The following SMOC1 variants were observed in gnomAD, a reference collection of about 807,000 sequenced individuals.
The protein encoded by SMOC1 is SPARC related modular calcium binding 1, also known as SPARC-related modular calcium-binding protein 1.
Under a neutral mutation model 56.3 loss-of-function variants are expected in SMOC1, and 22 were observed. The observed-to-expected ratio is 0.39, with a 90% CI of 0.28 to 0.56. The LOEUF (loss-of-function observed/expected upper bound fraction) is 0.56. SMOC1 is among the 20% of genes least tolerant of loss of function. SMOC1 has a pLI of 0.61. For missense variants in SMOC1, 509 were observed against 565.4 expected, an observed-to-expected ratio of 0.90 and a Z score of 1.01; for synonymous variants, 193 against 215.0, an observed-to-expected ratio of 0.90 and a Z score of 0.89.
At chr14:69,980,328 C>T (rs1047298659) in intron 5 of SMOC1, among the ~76,000 whole-genome samples, 40 of 152,154 alleles carry the variant, frequency 2.6e-4, no homozygotes, top group Admixed American at 2.5e-3. Context: ...TCCCTTCCTC[C>T]AAGATGGCTC....
At chr14:69,890,821 T>C (rs960763622) in intron 1 of SMOC1, among the ~76,000 whole-genome samples, 5 of 152,168 alleles carry the variant, frequency 3.3e-5, no homozygotes, top group African/African-American at 1.2e-4. Flanking sequence ...CTTTGTACAA[T>C]TACAGTTGAA....
At chr14:69,971,113 G>A (rs1175863131) in intron 3 of SMOC1, among the ~76,000 whole-genome samples, 1 of 152,154 alleles carries the variant, frequency 6.6e-6, no homozygotes, top group Non-Finnish European at 1.5e-5. Flanking sequence ...CCAACTCGTG[G>A]CTTCAAGCAA....
At chr14:69,904,009 C>G (rs577566092) in intron 1 of SMOC1, among the ~76,000 whole-genome samples, 2 of 152,138 alleles carry the variant, frequency 1.3e-5, no homozygotes, top group Admixed American at 6.5e-5. Context: ...GAGGTCGTCT[C>G]GGACCTCAGC....
intron 10 of SMOC1, among the ~76,000 whole-genome samples, chr14:70,018,786 A>G (rs1187942305): frequency 6.6e-6 from 1 of 152,202 alleles, no homozygotes; most frequent in African/African-American, 2.4e-5. Flanking sequence ...GGGAGACTGT[A>G]CTGTGGCTTC....
intron 3 of SMOC1, among the ~76,000 whole-genome samples, chr14:69,954,682 T>C (rs1269774662): frequency 6.6e-6 from 1 of 152,154 alleles, no homozygotes; most frequent in Admixed American, 6.5e-5. Flanking sequence ...AAGGATGAGC[T>C]TAGCCAAGTG....
At chr14:69,912,274 GGTC>G (rs1352952282) in intron 1 of SMOC1, among the ~76,000 whole-genome samples, 2 of 152,116 alleles carry the variant, frequency 1.3e-5, no homozygotes, top group Non-Finnish European at 2.9e-5. Flanking sequence ...TTTTAGGCAT[GGTC>G]TTGCTCTGTC....
intron 4 of SMOC1, 26 bp from the exon 5 acceptor site, chr14:69,977,892 T>C (rs1225243101): frequency 1.2e-6 from 2 of 1,610,668 alleles, no homozygotes; most frequent in African/African-American, 2.7e-5. Flanking sequence ...TGAGTGGCTA[T>C]GTTTTTGTTT....
At chr14:69,982,634 G>A (rs890619725) in intron 5 of SMOC1, among the ~76,000 whole-genome samples, 2 of 152,176 alleles carry the variant, frequency 1.3e-5, no homozygotes, top group Non-Finnish European at 2.9e-5. Flanking sequence ...GTGTTGGGCT[G>A]GCTGTCGAGG....
intron 11 of SMOC1, among the ~76,000 whole-genome samples, chr14:70,024,671 G>A (rs142294257): frequency 1.3e-5 from 2 of 152,236 alleles, no homozygotes; most frequent in African/African-American, 4.8e-5. Flanking sequence ...ATGAGCTGAA[G>A]GATGTTTGTG....
intron 5 of SMOC1, among the ~76,000 whole-genome samples, chr14:69,979,812 T>G (rs939165561): frequency 2.6e-5 from 4 of 152,116 alleles, no homozygotes; most frequent in African/African-American, 9.7e-5. Flanking sequence ...TTCCTGGGCA[T>G]GAGGTCCTGG....
chr14:70,010,906 C>T lies in SMOC1; in HGVS notation c.817C>T (p.Leu273=). ...GTCCACTGGCTACTGCTGGTGTGTG[C>T]TGGTGGACACAGGGCGCCCGCTGCC... ...HQSTGYCWCV[L]VDTGRPLPGT... Residue 273 remains leucine (L), a synonymous_variant, in exon 8 of 12, where the codon CTG becomes TTG. Transcript: ENST00000361956. 1 of 1,613,562 alleles carries T rather than the reference C, an allele frequency of 6.2e-7. No individual in the cohort carries two copies. The highest frequency in any genetic ancestry group is 8.5e-7 in the Non-Finnish European group (1 of 1,180,038).
chr14:69,959,029 G>A (rs1032106796), intron 3 of SMOC1, among the ~76,000 whole-genome samples: 2 of 152,088 alleles, frequency 1.3e-5, no homozygotes, highest in African/African-American at 4.8e-5. Flanking sequence ...GAAAGATTAA[G>A]CCAGTGATTT....
intron 1 of SMOC1, among the ~76,000 whole-genome samples, chr14:69,900,283 T>C (rs1467677368): frequency 6.6e-6 from 1 of 152,160 alleles, no homozygotes; most frequent in African/African-American, 2.4e-5. Context: ...GTGTGTGCCA[T>C]TTATTTCATG....
intron 11 of SMOC1, among the ~76,000 whole-genome samples, chr14:70,028,251 C>CGGG (rs955637550): frequency 3.3e-5 from 5 of 152,252 alleles, no homozygotes; most frequent in African/African-American, 9.6e-5. Flanking sequence ...GTGAGGCAGG[C>CGGG]GGGGTGGGGT....
At chr14:69,886,110 T>C in intron 1 of SMOC1, 4 of 1,549,348 alleles carry the variant, frequency 2.6e-6, no homozygotes, top group Non-Finnish European at 3.5e-6. Flanking sequence ...GGAGCCACCT[T>C]CTTTCCCTTG....
chr14:69,928,096 G>A (rs1250260759), intron 1 of SMOC1, among the ~76,000 whole-genome samples: 1 of 152,206 alleles, frequency 6.6e-6, no homozygotes, highest in Admixed American at 6.5e-5. Flanking sequence ...CTTCACATCT[G>A]AGGCCCAGTG....
At chr14:69,928,617 G>GA (rs1491514798) in intron 1 of SMOC1, among the ~76,000 whole-genome samples, 2 of 19,108 alleles carry the variant, frequency 1.0e-4, no homozygotes, top group Non-Finnish European at 2.8e-4. Flanking sequence ...GTGCTCATTG[G>GA]GGGGGGGGTC....
chr14:69,931,025 C>G (rs1289480643), intron 1 of SMOC1, among the ~76,000 whole-genome samples: 1 of 152,230 alleles, frequency 6.6e-6, no homozygotes, highest in African/African-American at 2.4e-5. Context: ...CCCCTTCACT[C>G]TGTTCTGCCC....
intron 7 of SMOC1, among the ~76,000 whole-genome samples, chr14:70,007,026 A>G (rs1885170335): frequency 1.3e-5 from 2 of 152,228 alleles, no homozygotes. Context: ...GGCACAGTTC[A>G]TTGGGGACTG....
Sources: gnomAD v4.1 joint callset for allele counts (sites outside exome capture counted in the v4.1 genomes callset) on GRCh38, gnomAD v4.1.1 for gene constraint, MANE v1.5 for transcripts, NCBI Gene and HGNC (gene_info 2026-07-23, HGNC 2026-07-21) for gene names.